The following EXD3 variants were observed in gnomAD, a reference collection of about 807,000 sequenced individuals.
EXD3 encodes exonuclease 3'-5' domain containing 3.
A neutral mutation model predicts 98.0 loss-of-function variants in EXD3; 92 were observed. That is an observed-to-expected ratio of 0.94 (90% CI 0.79 to 1.12). The LOEUF is 1.12. EXD3 is among the 50% of genes most tolerant of loss of function. EXD3 has a pLI of 0.00. For missense variants in EXD3, 1,222 were observed against 1,191.6 expected, an observed-to-expected ratio of 1.03 and a Z score of -0.38; for synonymous variants, 569 against 526.0, an observed-to-expected ratio of 1.08 and a Z score of -1.12.
In EXD3 at chr9:137,403,231, G is replaced by A. The variant is rs566495946; in HGVS notation, c.-47-7827C>T. 1.3e-5 allele frequency among the ~76,000 whole-genome samples: 2 copies of A among 152,004 alleles called. No individual in the cohort carries two copies. Among genetic ancestry groups the A allele is most frequent in the South Asian group, 4.1e-4 (2 of 4,822 alleles). ...AGTCATCTGCTTGGAAATGGGTTGG[G>A]GGCACCCCAGGAGTGGGGCCCCACT... On this transcript the variant is annotated intron_variant, in intron 1 of 21. Coordinates refer to ENST00000340951, the MANE Select transcript of EXD3 (RefSeq NM_017820.5). The surrounding 1 kb of genome is among the most constrained non-coding windows in gnomAD (Gnocchi z 6.1).
chr9:137,365,074 CT>C (rs79982028), intron 7 of EXD3: 3,452 of 142,102 alleles, frequency 0.024, 42 homozygotes, highest in Middle Eastern at 0.073. Context: ...GGCCCTATGT[CT>C]TTTTTTTTTT....
intron 11 of EXD3, 125 bp from the exon 12 acceptor site, chr9:137,352,326 C>T: frequency 7.4e-7 from 1 of 1,344,286 alleles, no homozygotes; most frequent in Non-Finnish European, 1.0e-6. Flanking sequence ...CTCCTCCTCC[C>T]ACACCGGCTC....
At chr9:137,378,896 T>C (rs1348691338) in intron 3 of EXD3, among the ~76,000 whole-genome samples, 6 of 140,714 alleles carry the variant, frequency 4.3e-5, no homozygotes, top group East Asian at 2.0e-4. Flanking sequence ...ACGGTGACCG[T>C]TGCCTGGGGC....
At chr9:137,352,335 TCAGTC>T in intron 11 of EXD3, 134 bp from the exon 12 acceptor site, 1 of 1,293,928 alleles carries the variant, frequency 7.7e-7, no homozygotes, top group Non-Finnish European at 1.1e-6. Context: ...CCACACCGGC[TCAGTC>T]CAGCCCAGCG....
Position 137,329,758 on chromosome 9 carries a change from TACACGGGGTC to T in EXD3, c.1999-5625_1999-5616del, listed in dbSNP as rs1168172297. Among the ~76,000 whole-genome samples, 151 of 39,352 alleles carry T rather than the reference TACACGGGGTC, an allele frequency of 3.8e-3. 2 individuals carry two copies. Among genetic ancestry groups the T allele is most frequent in the African/African-American group, 6.1e-3 (43 of 7,082 alleles). 25.8% of individuals were successfully genotyped at this position (39,352 alleles called of 152,430 possible). A position where few individuals can be genotyped will look rare whatever the true frequency, so the allele number is the denominator to read the frequency against. On this transcript the variant is annotated intron_variant, in intron 17 of 21. Transcript: ENST00000340951. ...GGGGTCACACGGGACTACACGGGAC[TACACGGGGTC>T]ACACGGGACTACACGGGACTACACG... is the stretch of plus-strand genomic sequence containing the variant.
chr9:137,391,650 CCGCCT>C (rs985100989), intron 2 of EXD3, among the ~76,000 whole-genome samples: 4 of 151,864 alleles, frequency 2.6e-5, no homozygotes, highest in African/African-American at 7.3e-5. Flanking sequence ...CCGCCCCGCC[CCGCCT>C]CGCCGACCGC....
chr9:137,362,763 G>T (rs1835052258), intron 7 of EXD3, among the ~76,000 whole-genome samples: 1 of 152,030 alleles, frequency 6.6e-6, no homozygotes. Flanking sequence ...ATCTTTTTCA[G>T]ATATTTTCTC....
At chr9:137,316,025 C>G (rs1428120106) in intron 19 of EXD3, among the ~76,000 whole-genome samples, 1 of 151,396 alleles carries the variant, frequency 6.6e-6, no homozygotes, top group Non-Finnish European at 1.5e-5. Context: ...CCCTTCTCCC[C>G]CTCCCCGGGG....
Position 137,347,936 on chromosome 9 carries a change from G to A in EXD3, c.1998+135C>T, listed in dbSNP as rs529554307. On this transcript the variant is annotated intron_variant, in intron 17 of 21. Transcript: ENST00000340951. The surrounding 1 kb of genome is among the most constrained non-coding windows in gnomAD (Gnocchi z 4.2). ...GCTCCATCCTTGGCCACCCCGTCCT[G>A]TTCCCAGAGCCTGCCTGGCACAGCT... is the stretch of plus-strand genomic sequence containing the variant. 2.6e-6 allele frequency: 3 copies of A among 1,133,036 alleles called. No homozygotes were observed. The highest frequency in any genetic ancestry group is 5.4e-5 in the Admixed American group (2 of 37,370). 70.2% of individuals were successfully genotyped at this position (1,133,036 alleles called of 1,614,324 possible).
intron 17 of EXD3, among the ~76,000 whole-genome samples, chr9:137,329,666 A>G (rs199977927): frequency 1.1e-3 from 17 of 16,010 alleles, no homozygotes; most frequent in Non-Finnish European, 1.1e-3. Flanking sequence ...GCTACACGGG[A>G]CTACACGGGA....
At chr9:137,408,358 T>C (rs1298772107) in intron 1 of EXD3, among the ~76,000 whole-genome samples, 1 of 151,476 alleles carries the variant, frequency 6.6e-6, no homozygotes, top group Non-Finnish European at 1.5e-5. Flanking sequence ...ACCATCCTGG[T>C]TAACACGGTG....
rs1014655875 is a variant in EXD3 at position 137,405,463 on chromosome 9, G to A, written c.-47-10059C>T. On this transcript the variant is annotated intron_variant, in intron 1 of 21. Transcript: ENST00000340951. The surrounding 1 kb of genome is among the most constrained non-coding windows in gnomAD (Gnocchi z 4.1). ...CAGAGCCGCGGACGGAGCCCAGGGC[G>A]GCCGTCGCAGGCCACTCACCCGTCC... Among the ~76,000 whole-genome samples the A allele has an allele frequency of 5.3e-5, 8 of 152,212 alleles. No homozygotes were observed. Among genetic ancestry groups the A allele is most frequent in the South Asian group, 4.1e-4 (2 of 4,832 alleles).
At chr9:137,316,131 A>C in intron 19 of EXD3, among the ~76,000 whole-genome samples, 1 of 147,700 alleles carries the variant, frequency 6.8e-6, no homozygotes, top group East Asian at 2.1e-4. Context: ...GCTTTCCCAG[A>C]CGGGGGAGGG....
At position 137,360,716 on chromosome 9, in the gene EXD3, C is replaced by G. The variant is rs1834973350; in HGVS notation, c.657-4348G>C. On this transcript the variant is annotated intron_variant, in intron 7 of 21. Coordinates refer to ENST00000340951, the MANE Select transcript of EXD3 (RefSeq NM_017820.5). ...CCTCAAGTGATCCGCCTGCCTCAAC[C>G]TCCCAAAGTGCTGGGAATACAGGTG... 2.3e-5 allele frequency among the ~76,000 whole-genome samples: 2 copies of G among 85,482 alleles called. 1 individual carries two copies. Among genetic ancestry groups the G allele is most frequent in the Non-Finnish European group, 5.7e-5 (2 of 34,978 alleles). The allele number at this position is 85,482 out of a possible 152,430, so 56.1% of individuals were successfully genotyped here.
At chr9:137,325,951 G>A (rs1305805092) in intron 17 of EXD3, among the ~76,000 whole-genome samples, 11 of 152,024 alleles carry the variant, frequency 7.2e-5, no homozygotes, top group East Asian at 1.9e-4. Flanking sequence ...CTAGCCAGGC[G>A]TGCCTGTAGT....
chr9:137,363,281 C>A (rs537331604), intron 7 of EXD3, among the ~76,000 whole-genome samples: 1 of 145,396 alleles, frequency 6.9e-6, no homozygotes, highest in South Asian at 2.1e-4. Context: ...AGTTGGGCTG[C>A]GCTTTTTTTT....
chr9:137,375,072 G>A (rs865818027), intron 3 of EXD3, among the ~76,000 whole-genome samples: 23 of 151,762 alleles, frequency 1.5e-4, no homozygotes, highest in Middle Eastern at 3.2e-3. Flanking sequence ...GCAGTGGCGC[G>A]ATCTCGACTC....
intron 1 of EXD3, among the ~76,000 whole-genome samples, chr9:137,414,927 G>A (rs1473425154): frequency 6.6e-6 from 1 of 152,120 alleles, no homozygotes; most frequent in Admixed American, 6.5e-5. Context: ...TCACTTTGTC[G>A]CCCAAGCTGG....
chr9:137,414,213 G>A lies in EXD3; in HGVS notation c.-48+8901C>T, dbSNP rs575367328. On this transcript the variant is annotated intron_variant, in intron 1 of 21. Coordinates refer to ENST00000340951, the MANE Select transcript of EXD3 (RefSeq NM_017820.5). ...ATTACAGGCGTGAGCCACCGCGCCC[G>A]GCCAAGGTTCTGTTCTCTTGTGGCT... 8.5e-5 allele frequency among the ~76,000 whole-genome samples: 13 copies of A among 152,290 alleles called. No homozygotes were observed. The East Asian group carries it at 1.5e-3, about 18-fold the overall frequency.
Sources: allele counts gnomAD v4.1 joint callset (sites outside exome capture counted in the v4.1 genomes callset), GRCh38; gene constraint gnomAD v4.1.1; non-coding constraint Gnocchi (gnomAD v3.1); transcripts MANE v1.5; gene names NCBI Gene and HGNC (gene_info 2026-07-23, HGNC 2026-07-21).